PKD2L2: variants seen among roughly 807,000 people sequenced by gnomAD.
PKD2L2 encodes the protein polycystin 2 like 2, transient receptor potential cation channel.
In PKD2L2, 67 loss-of-function variants were observed where a neutral mutation model predicts 83.9. The observed-to-expected ratio is 0.80, with a 90% confidence interval of 0.66 to 0.98. The LOEUF is 0.98. PKD2L2 is among the 50% of genes least tolerant of loss of function. The pLI is 0.00. For synonymous variants in PKD2L2, 223 were observed against 237.8 expected, an observed-to-expected ratio of 0.94 and a Z score of 0.57; for missense variants, 632 against 717.2, an observed-to-expected ratio of 0.88 and a Z score of 1.36.
chr5:137,931,771 A>C (rs528471533), intron 12 of PKD2L2, among the ~76,000 whole-genome samples: 2 of 152,348 alleles, frequency 1.3e-5, no homozygotes, highest in East Asian at 3.9e-4. Flanking sequence ...AAGTCAAAAC[A>C]ATTAGATAAG....
intron 5 of PKD2L2, among the ~76,000 whole-genome samples, chr5:137,900,556 G>C (rs533808856): frequency 6.6e-6 from 1 of 152,186 alleles, no homozygotes; most frequent in Non-Finnish European, 1.5e-5. Context: ...AGAAACTAAG[G>C]ACCATTGCCC....
intron 5 of PKD2L2, among the ~76,000 whole-genome samples, chr5:137,902,343 G>A (rs916013070): frequency 5.6e-4 from 85 of 151,534 alleles, no homozygotes; most frequent in Non-Finnish European, 3.5e-4. Context: ...AAGTTTCACT[G>A]AATGCACTCA....
intron 5 of PKD2L2, among the ~76,000 whole-genome samples, chr5:137,901,788 G>A (rs77473069): frequency 0.018 from 2,676 of 152,158 alleles, 59 homozygotes; most frequent in African/African-American, 0.059. Context: ...AAGGATTGTC[G>A]ACACTGTGGA....
intron 8 of PKD2L2, among the ~76,000 whole-genome samples, chr5:137,914,450 A>G (rs1388232514): frequency 6.6e-6 from 1 of 152,186 alleles, no homozygotes; most frequent in African/African-American, 2.4e-5. Flanking sequence ...CATATCAGAT[A>G]AGGTATCCTC....
chr5:137,910,530 T>C (rs995659204), intron 8 of PKD2L2, among the ~76,000 whole-genome samples: 2 of 151,804 alleles, frequency 1.3e-5, no homozygotes, highest in Non-Finnish European at 2.9e-5. Flanking sequence ...GCCAGCACTT[T>C]GGGAGGCCGA....
intron 12 of PKD2L2, among the ~76,000 whole-genome samples, chr5:137,930,213 T>G (rs1374509417): frequency 6.6e-6 from 1 of 152,132 alleles, no homozygotes; most frequent in African/African-American, 2.4e-5. Flanking sequence ...TCATAAAAAC[T>G]GCTCACCTAT....
chr5:137,924,514 G>A (rs186754062), intron 10 of PKD2L2, among the ~76,000 whole-genome samples: 93 of 152,188 alleles, frequency 6.1e-4, no homozygotes, highest in African/African-American at 2.2e-3. Context: ...AGTTATATGT[G>A]TACCAGTCAC....
chr5:137,909,078 T>G lies in PKD2L2; in HGVS notation c.1328+132T>G. On this transcript the variant is annotated intron_variant, in intron 8 of 14. Transcript: ENST00000508883. ...TAAACTTAGTTTGATATTTTCTTTT[T>G]CTTTTTATTTTTCTGGAGACAGGGT... is the stretch of plus-strand genomic sequence containing the variant. The G allele has an allele frequency of 5.1e-6, 3 of 587,172 alleles. No homozygotes were observed. In the South Asian group the frequency reaches 7.4e-5, roughly 14 times the overall value. The allele number at this position is 587,172 out of a possible 1,614,324, so 36.4% of individuals were successfully genotyped here. A position where few individuals can be genotyped will look rare whatever the true frequency, so the allele number is the denominator to read the frequency against.
intron 4 of PKD2L2, among the ~76,000 whole-genome samples, chr5:137,898,027 C>T (rs986033946): frequency 1.3e-5 from 2 of 150,098 alleles, no homozygotes; most frequent in South Asian, 2.1e-4. Flanking sequence ...AGTGCAGTGG[C>T]GCAGTCTTGG....
rs1030678389 is a variant in PKD2L2, at chr5:137,889,532, C to A, written c.31+10C>A. ...CGGTGGCACCGAGGCGGTGAGGGGT[C>A]CTCTTAAGGAGTGGGAGGGACAGGG... On this transcript the variant is annotated intron_variant, in intron 1 of 14. Transcript: ENST00000508883. The A allele has an allele frequency of 1.9e-6, 3 of 1,547,498 alleles. No individual in the cohort carries two copies. Among genetic ancestry groups the A allele is most frequent in the Middle Eastern group, 1.7e-4 (1 of 5,866 alleles).
intron 14 of PKD2L2, chr5:137,938,073 C>T (rs886600395): frequency 5.9e-5 from 9 of 152,132 alleles, no homozygotes; most frequent in African/African-American, 2.2e-4. Context: ...TATAGATATA[C>T]AGTTTTTATT....
intron 8 of PKD2L2, among the ~76,000 whole-genome samples, chr5:137,912,728 T>C (rs1461450509): frequency 6.6e-6 from 1 of 151,948 alleles, no homozygotes; most frequent in Non-Finnish European, 1.5e-5. Flanking sequence ...TATTGGCCAT[T>C]TGTGTGTCTT....
At chr5:137,891,812 T>G (rs925392701) in intron 2 of PKD2L2, among the ~76,000 whole-genome samples, 2 of 151,574 alleles carry the variant, frequency 1.3e-5, no homozygotes, top group Non-Finnish European at 2.9e-5. Flanking sequence ...GCCTCCGGAG[T>G]AGCTGGGATT....
intron 14 of PKD2L2, chr5:137,939,848 A>C (rs1410776155): frequency 2.9e-5 from 37 of 1,290,554 alleles, no homozygotes; most frequent in Non-Finnish European, 3.2e-5. Context: ...ATTTTCCTCC[A>C]ATTTTCTTCA....
intron 2 of PKD2L2, among the ~76,000 whole-genome samples, 182 bp from the exon 3 acceptor site, chr5:137,892,298 G>A (rs700609): frequency 1 from 152,330 of 152,380 alleles, 76,140 homozygotes; most frequent in Non-Finnish European, 1. Context: ...ATATTTGCCA[G>A]ACTAATTCTA....
chr5:137,908,667 C>G (rs1757560811), intron 7 of PKD2L2, 98 bp from the exon 8 acceptor site: 2 of 611,306 alleles, frequency 3.3e-6, no homozygotes, highest in Non-Finnish European at 2.8e-6. Flanking sequence ...CATTAAATAT[C>G]TCCTTTAATT....
chr5:137,910,543 C>T (rs186420954), intron 8 of PKD2L2, among the ~76,000 whole-genome samples: 3 of 151,678 alleles, frequency 2.0e-5, no homozygotes, highest in Non-Finnish European at 2.9e-5. Flanking sequence ...GAGGCCGAGG[C>T]GGGTGGATCA....
intron 12 of PKD2L2, among the ~76,000 whole-genome samples, chr5:137,932,611 CTT>C (rs200632214): frequency 0.015 from 2,291 of 152,238 alleles, 27 homozygotes; most frequent in Non-Finnish European, 0.025. Flanking sequence ...AACCTACTAT[CTT>C]AGAGAAGGGG....
intron 9 of PKD2L2, among the ~76,000 whole-genome samples, chr5:137,922,052 G>A (rs1355382092): frequency 6.6e-6 from 1 of 152,228 alleles, no homozygotes; most frequent in Non-Finnish European, 1.5e-5. Context: ...CATGAGTCAT[G>A]AATGTGGCCA....
Sources: gnomAD v4.1 joint callset for allele counts (sites outside exome capture counted in the v4.1 genomes callset) on GRCh38, gnomAD v4.1.1 for gene constraint, MANE v1.5 for transcripts, NCBI Gene and HGNC (gene_info 2026-07-23, HGNC 2026-07-21) for gene names.